PLAAT3: variants seen among roughly 807,000 people sequenced by gnomAD.
PLAAT3 encodes phospholipase A and acyltransferase 3, also known as Ca-independent phospholipase A1/2.
Under a neutral mutation model 16.7 loss-of-function variants are expected in PLAAT3, and 21 were observed. The ratio of observed to expected loss-of-function variants is 1.26; its 90% CI spans 0.89 to 1.81. The LOEUF (loss-of-function observed/expected upper bound fraction) is 1.81. Ranked by LOEUF, PLAAT3 falls within the 40% of genes most tolerant of loss-of-function variation. The probability of loss-of-function intolerance (pLI) is 0.00; values close to 1 mark genes in which losing one functional copy is unlikely to be tolerated. For synonymous variants in PLAAT3, 76 were observed against 81.7 expected (o/e 0.93, Z 0.38); for missense variants, 219 against 213.7 (o/e 1.02, Z -0.16).
chr11:63,615,230 G>GTGTA, upstream of PLAAT3, among the ~76,000 whole-genome samples: 2 of 58,054 alleles, frequency 3.4e-5, no homozygotes, highest in African/African-American at 9.3e-5. Context: ...GTATATATGT[G>GTGTA]TATATATGTG....
At chr11:63,579,026 G>C (rs1937709481) in intron 4 of PLAAT3, among the ~76,000 whole-genome samples, 1 of 151,566 alleles carries the variant, frequency 6.6e-6, no homozygotes, top group African/African-American at 2.4e-5. Flanking sequence ...ACATTTACAA[G>C]AAAAAAAACA....
At chr11:63,613,728 C>CCCT (rs1478815686) in intron 2 of PLAAT3, among the ~76,000 whole-genome samples, 1 of 152,156 alleles carries the variant, frequency 6.6e-6, no homozygotes, top group African/African-American at 2.4e-5. Flanking sequence ...CAGACCTGCC[C>CCCT]TGGCCACCTC....
chr11:63,615,066 G>GTATATA (rs1565259574), upstream of PLAAT3, among the ~76,000 whole-genome samples: 6 of 31,112 alleles, frequency 1.9e-4, 2 homozygotes, highest in Admixed American at 2.3e-3. Context: ...ATATATATGT[G>GTATATA]TGTATATATG....
At chr11:63,592,726 G>A (rs1216105473) in intron 3 of PLAAT3, among the ~76,000 whole-genome samples, 5 of 152,132 alleles carry the variant, frequency 3.3e-5, no homozygotes. Context: ...TTCCTTGTAG[G>A]ATAGAAACAA....
At chr11:63,611,179 C>T (rs1026219812) in intron 2 of PLAAT3, among the ~76,000 whole-genome samples, 2 of 152,140 alleles carry the variant, frequency 1.3e-5, no homozygotes, top group Non-Finnish European at 2.9e-5. Context: ...GCAATCTCGG[C>T]TCACTGCAGC....
rs575911884 is a variant in PLAAT3 at position 63,582,962 on chromosome 11, C to T, written c.387+7138G>A. Among the ~76,000 whole-genome samples, 105 of 152,156 alleles carry T rather than the reference C, an allele frequency of 6.9e-4. 1 individual carries two copies. The highest frequency in any genetic ancestry group is 2.4e-3 in the African/African-American group (101 of 41,536). ...CCTGACCAACATGGTGAAACCTCAT[C>T]TCTACTAAACATACAAAAATTAGCC... On this transcript the variant is annotated intron_variant, in intron 4 of 4. Coordinates refer to ENST00000415826, the MANE Select transcript of PLAAT3 (RefSeq NM_001128203.2).
chr11:63,610,405 A>T (rs1938663997), intron 2 of PLAAT3, among the ~76,000 whole-genome samples: 3 of 152,224 alleles, frequency 2.0e-5, no homozygotes, highest in Admixed American at 2.0e-4. Context: ...TTCCTTGCCC[A>T]GCCTGCCAGC....
At chr11:63,584,946 C>CT (rs1353746065) in intron 4 of PLAAT3, among the ~76,000 whole-genome samples, 1 of 151,972 alleles carries the variant, frequency 6.6e-6, no homozygotes. Flanking sequence ...ACTGACAGTG[C>CT]TTACAAAGAA....
At position 63,610,419 on chromosome 11, in the gene PLAAT3, C is replaced by A. The variant is rs188018044; in HGVS notation, c.15+3581G>T. Among the ~76,000 whole-genome samples the A allele has an allele frequency of 9.2e-4, 140 of 152,346 alleles. 1 individual carries two copies. The highest frequency in any genetic ancestry group is 3.3e-3 in the African/African-American group (138 of 41,582). ...TTTCCTTGCCCAGCCTGCCAGCATT[C>A]CAAGGACCAGAATTCCGTCTAATTC... On this transcript the variant is annotated intron_variant, in intron 2 of 4. Transcript: ENST00000415826.
chr11:63,613,901 G>A, intron 2 of PLAAT3, 99 bp downstream of exon 2: 2 of 759,826 alleles, frequency 2.6e-6, no homozygotes, highest in African/African-American at 3.6e-5. Flanking sequence ...CATCCTCGAG[G>A]CTCCTCTCTC....
chr11:63,587,921 G>C (rs550471449), intron 4 of PLAAT3, among the ~76,000 whole-genome samples: 1 of 152,120 alleles, frequency 6.6e-6, no homozygotes, highest in Non-Finnish European at 1.5e-5. Context: ...AGTGTGACAA[G>C]AGACAAATGT....
chr11:63,587,032 C>T (rs1401156630), intron 4 of PLAAT3, among the ~76,000 whole-genome samples: 1 of 152,188 alleles, frequency 6.6e-6, no homozygotes, highest in African/African-American at 2.4e-5. Context: ...TACAGCGAGC[C>T]AACATCGCAC....
chr11:63,593,268 A>G (rs965481110), intron 3 of PLAAT3, among the ~76,000 whole-genome samples: 1 of 152,266 alleles, frequency 6.6e-6, no homozygotes, highest in African/African-American at 2.4e-5. Flanking sequence ...GAGTGGAGTG[A>G]CATGGCAAGG....
At chr11:63,590,528 G>A (rs1326112720) in intron 3 of PLAAT3, among the ~76,000 whole-genome samples, 160 bp from the exon 4 acceptor site, 3 of 152,210 alleles carry the variant, frequency 2.0e-5, no homozygotes, top group Non-Finnish European at 4.4e-5. Context: ...GGGAAGGTGT[G>A]TGTGGTCTCT....
chr11:63,589,035 C>G (rs58458820), intron 4 of PLAAT3, among the ~76,000 whole-genome samples: 2,751 of 139,356 alleles, frequency 0.02, 88 homozygotes, highest in African/African-American at 0.068. Context: ...TGAGGATAAT[C>G]ATGACTATTT....
chr11:63,613,305 G>C (rs999327882), intron 2 of PLAAT3, among the ~76,000 whole-genome samples: 13 of 152,054 alleles, frequency 8.5e-5, no homozygotes, highest in South Asian at 2.1e-4. Context: ...CAGCTACTCG[G>C]TAGGCTGAGG....
intron 4 of PLAAT3, among the ~76,000 whole-genome samples, chr11:63,578,532 C>A (rs1279530766): frequency 6.6e-6 from 1 of 152,008 alleles, no homozygotes; most frequent in African/African-American, 2.4e-5. Flanking sequence ...AGATATAGAC[C>A]AATGGAACAG....
At chr11:63,586,131 T>C (rs4060817) in intron 4 of PLAAT3, among the ~76,000 whole-genome samples, 56,536 of 151,680 alleles carry the variant, frequency 0.37, 10,688 homozygotes, top group Non-Finnish European at 0.4. Context: ...TGTGTGTGTG[T>C]GCACGTGTAT....
intron 2 of PLAAT3, among the ~76,000 whole-genome samples, chr11:63,612,538 T>G (rs935938730): frequency 4.6e-5 from 7 of 152,230 alleles, no homozygotes; most frequent in Non-Finnish European, 1.0e-4. Flanking sequence ...TTCAATCAAC[T>G]GGGAGCAAAG....
Sources: gnomAD v4.1 joint callset for allele counts (sites outside exome capture counted in the v4.1 genomes callset) on GRCh38, gnomAD v4.1.1 for gene constraint, MANE v1.5 for transcripts, NCBI Gene and HGNC (gene_info 2026-07-23, HGNC 2026-07-21) for gene names.